MAST4: variants seen among roughly 807,000 people sequenced by gnomAD.
MAST4 encodes the protein microtubule associated serine/threonine kinase family member 4, also known as microtubule-associated serine/threonine-protein kinase 4.
In MAST4, 89 loss-of-function variants were observed where a neutral mutation model predicts 162.7. The observed-to-expected ratio is 0.55, with a 90% confidence interval of 0.46 to 0.65. The LOEUF (loss-of-function observed/expected upper bound fraction) is 0.65, where lower values mean the gene tolerates loss of function less well. Among genes scored for constraint, MAST4 ranks in the 30% least tolerant of loss-of-function variants. MAST4 has a pLI of 0.00. For synonymous variants in MAST4, 1,479 were observed against 1,361.1 expected, an observed-to-expected ratio of 1.09 and a Z score of -1.91; for missense variants, 3,153 against 3,374.0, an observed-to-expected ratio of 0.93 and a Z score of 1.62.
Position 66,929,437 on chromosome 5 carries a change from C to T in MAST4, c.674+29455C>T, listed in dbSNP as rs373921700. ...TTCATGGACTCATATGTCAATCAGT[C>T]TCCTCTGGACACACCCTCAAAGACA... On this transcript the variant is annotated intron_variant, in intron 4 of 28. Transcript: ENST00000403625. Among the ~76,000 whole-genome samples, 9 of 152,256 alleles carry T rather than the reference C, an allele frequency of 5.9e-5. No individual in the cohort carries two copies. The East Asian group carries it at 1.2e-3, about 20-fold the overall frequency.
At position 66,797,828 on chromosome 5, in the gene MAST4, A is replaced by T. The variant is rs148603282; in HGVS notation, c.642+9034A>T. ...TACAGTGTGATGGGTGGGGAGTGGTAGATAAAGGTGGACAGTGCAGTGGAC... is the reference window on the plus strand; with the variant it reads ...TACAGTGTGATGGGTGGGGAGTGGTTGATAAAGGTGGACAGTGCAGTGGAC... On this transcript the variant is annotated intron_variant, in intron 3 of 28. Coordinates refer to ENST00000403625, the MANE Select transcript of MAST4 (RefSeq NM_001164664.2). Among the ~76,000 whole-genome samples, 371 of 152,278 alleles carry T rather than the reference A, an allele frequency of 2.4e-3. 2 individuals are homozygous for T. Among genetic ancestry groups the T allele is most frequent in the African/African-American group, 8.6e-3 (359 of 41,544 alleles).
chr5:66,912,414 A>T (rs993065172), intron 4 of MAST4, among the ~76,000 whole-genome samples: 1 of 152,226 alleles, frequency 6.6e-6, no homozygotes, highest in African/African-American at 2.4e-5. Context: ...GGTTTTTCTT[A>T]TGTCTAGAAT....
At chr5:67,085,281 C>T (rs1763112813) in intron 5 of MAST4, among the ~76,000 whole-genome samples, 1 of 152,190 alleles carries the variant, frequency 6.6e-6, no homozygotes, top group Non-Finnish European at 1.5e-5. Context: ...AACATAACAG[C>T]TCTTCAATCA....
At chr5:66,961,747 G>A (rs1380649685) in intron 4 of MAST4, among the ~76,000 whole-genome samples, 1 of 152,132 alleles carries the variant, frequency 6.6e-6, no homozygotes, top group South Asian at 2.1e-4. Context: ...TATGCATGCC[G>A]ATTTTAGGAC....
chr5:67,064,150 A>G (rs1396038630), intron 5 of MAST4, among the ~76,000 whole-genome samples: 2 of 152,200 alleles, frequency 1.3e-5, no homozygotes, highest in Non-Finnish European at 2.9e-5. Context: ...AATCATTGAA[A>G]GGAGAGTTGG....
At chr5:67,126,004 G>A (rs1310557156) in intron 14 of MAST4, among the ~76,000 whole-genome samples, 2 of 152,106 alleles carry the variant, frequency 1.3e-5, no homozygotes, top group Non-Finnish European at 2.9e-5. Flanking sequence ...GTGATGATGA[G>A]CTTTTTTTCA....
At position 67,067,586 on chromosome 5, in the gene MAST4, A is replaced by G. The variant is rs146710682; in HGVS notation, c.763+13094A>G. 2.6e-3 allele frequency among the ~76,000 whole-genome samples: 389 copies of G among 152,316 alleles called. 1 individual carries two copies. The highest frequency in any genetic ancestry group is 7.1e-3 in the African/African-American group (295 of 41,574). ...TCTCCAAGGGGATTATTGACAAGGC[A>G]TGTGTCATCCATGTAACCAAGTCTC... On this transcript the variant is annotated intron_variant, in intron 5 of 28. Coordinates refer to ENST00000403625, the MANE Select transcript of MAST4 (RefSeq NM_001164664.2).
At chr5:66,645,783 C>A (rs1032648688) in intron 1 of MAST4, among the ~76,000 whole-genome samples, 1 of 152,148 alleles carries the variant, frequency 6.6e-6, no homozygotes, top group Non-Finnish European at 1.5e-5. Context: ...CGAACTGCAG[C>A]ATTTACAATT....
chr5:66,868,001 T>C (rs1760652845), intron 3 of MAST4, among the ~76,000 whole-genome samples: 1 of 152,244 alleles, frequency 6.6e-6, no homozygotes, highest in South Asian at 2.1e-4. Flanking sequence ...ATTTTGCCTT[T>C]AGTGTTGAGT....
At chr5:66,613,322 C>CT (rs67203546) in intron 1 of MAST4, among the ~76,000 whole-genome samples, 57,219 of 141,718 alleles carry the variant, frequency 0.4, 11,529 homozygotes, top group South Asian at 0.47. Context: ...TCAGATAACC[C>CT]TTTTTTTTTT....
intron 2 of MAST4, among the ~76,000 whole-genome samples, chr5:66,782,181 C>A (rs33697): frequency 6.6e-5 from 10 of 151,010 alleles, no homozygotes; most frequent in Non-Finnish European, 1.3e-4. Flanking sequence ...CCCAGCTACT[C>A]GGGAGGCTGA....
intron 2 of MAST4, among the ~76,000 whole-genome samples, chr5:66,767,053 G>A (rs1754127310): frequency 6.6e-6 from 1 of 152,136 alleles, no homozygotes; most frequent in Non-Finnish European, 1.5e-5. Context: ...AGTGGAAAGA[G>A]AGAGGAGAAA....
At chr5:67,142,326 T>A in intron 20 of MAST4, 89 bp downstream of exon 20, 1 of 1,545,790 alleles carries the variant, frequency 6.5e-7, no homozygotes, top group Non-Finnish European at 8.9e-7. Flanking sequence ...ATCTCTGAGT[T>A]CTTAAACATA....
At chr5:66,863,557 C>T (rs1483038812) in intron 3 of MAST4, among the ~76,000 whole-genome samples, 1 of 151,988 alleles carries the variant, frequency 6.6e-6, no homozygotes, top group Non-Finnish European at 1.5e-5. Context: ...TTTTTCTTTT[C>T]CTCTCCCCAT....
At chr5:66,640,173 C>T (rs1745394216) in intron 1 of MAST4, among the ~76,000 whole-genome samples, 1 of 152,140 alleles carries the variant, frequency 6.6e-6, no homozygotes, top group South Asian at 2.1e-4. Flanking sequence ...CAGTATTTTT[C>T]ATCCTGTGTC....
rs576558624 is a variant in MAST4, at chr5:66,766,272, GT to G, written c.517+6418del. On this transcript the variant is annotated intron_variant, in intron 2 of 28. Coordinates refer to ENST00000403625, the MANE Select transcript of MAST4 (RefSeq NM_001164664.2). ...TGCTTTTCTCCACGAAGAGAGTTGT[GT>G]TTTTTTTCCCCCCAAATGTTTGGGT... Among the ~76,000 whole-genome samples, 219 of 151,956 alleles carry G rather than the reference GT, an allele frequency of 1.4e-3. 2 individuals carry two copies. Among genetic ancestry groups the G allele is most frequent in the African/African-American group, 4.6e-3 (190 of 41,436 alleles).
chr5:67,081,115 T>TATATAATTGTATATATTATATA lies in MAST4; in HGVS notation c.764-9047_764-9046insATATAATTGTATATATTATATA, dbSNP rs1468761067. On this transcript the variant is annotated intron_variant, in intron 5 of 28. Transcript: ENST00000403625. ...AATATATAATTGTATATATTATATA[T>TATATAATTGTATATATTATATA]TTTTTTTTAACAGAGGTTTTAAATC... Among the ~76,000 whole-genome samples the TATATAATTGTATATATTATATA allele has an allele frequency of 2.1e-5, 3 of 140,914 alleles. No homozygotes were observed. In the South Asian group the frequency reaches 6.8e-4, roughly 32 times the overall value. The allele number at this position is 140,914 out of a possible 152,430, so 92.4% of individuals were successfully genotyped here.
chr5:66,985,132 A>G (rs1293122483), intron 4 of MAST4, among the ~76,000 whole-genome samples: 2 of 152,176 alleles, frequency 1.3e-5, no homozygotes, highest in South Asian at 4.1e-4. Flanking sequence ...TGGAGGAGGC[A>G]TGACCAGAGA....
intron 1 of MAST4, among the ~76,000 whole-genome samples, chr5:66,626,027 G>C (rs1284476534): frequency 6.6e-6 from 1 of 152,094 alleles, no homozygotes; most frequent in African/African-American, 2.4e-5. Context: ...ATGAGACACA[G>C]AAAGAAATAT....
Sources: gnomAD v4.1 joint callset for allele counts (sites outside exome capture counted in the v4.1 genomes callset) on GRCh38, gnomAD v4.1.1 for gene constraint, MANE v1.5 for transcripts, NCBI Gene and HGNC (gene_info 2026-07-23, HGNC 2026-07-21) for gene names.